The following SLC20A2 variants were observed in gnomAD, a reference collection of about 807,000 sequenced individuals.
The protein encoded by SLC20A2 is sodium-dependent phosphate transporter 2.
In SLC20A2, 30 loss-of-function variants were observed where a neutral mutation model predicts 61.0. The observed-to-expected ratio is 0.49, with a 90% confidence interval of 0.37 to 0.67. The LOEUF (loss-of-function observed/expected upper bound fraction) is 0.67, where lower values mean the gene tolerates loss of function less well. SLC20A2 is among the 30% of genes least tolerant of loss of function. The pLI, the probability that SLC20A2 is intolerant of heterozygous loss-of-function variation, is 0.00. For missense variants in SLC20A2, 626 were observed against 866.4 expected (o/e 0.72, Z 3.48); for synonymous variants, 351 against 353.3 (o/e 0.99, Z 0.07).
intron 5 of SLC20A2, among the ~76,000 whole-genome samples, chr8:42,445,126 T>C (rs532781161): frequency 9.2e-5 from 14 of 151,586 alleles, no homozygotes; most frequent in Non-Finnish European, 1.5e-4. Flanking sequence ...ACCCCATCTC[T>C]ACCAAAAATT....
At chr8:42,419,611 T>C in intron 10 of SLC20A2, 1 of 443,664 alleles carries the variant, frequency 2.3e-6, no homozygotes, top group Non-Finnish European at 3.0e-6. Flanking sequence ...CCATTGCAAT[T>C]TCTCACATGG....
rs994690381 is a variant in SLC20A2, at chr8:42,472,235, T to C, written c.156A>G (p.Ser52=). The change falls in exon 2 of 11, where the codon TCA becomes TCG. Residue 52 remains serine (S), a synonymous_variant. Coordinates refer to ENST00000520262, the MANE Select transcript of SLC20A2 (RefSeq NM_001257180.2). The surrounding 1 kb of genome is among the most constrained non-coding windows in gnomAD (Gnocchi z 4.1). Reference sequence around the variant, plus strand: ...ACACGGAGCCGGTGGTTTCAAATATTGAAGCTAAAATGCATGCCTGCCTCA... The same window carrying C: ...ACACGGAGCCGGTGGTTTCAAATATCGAAGCTAAAATGCATGCCTGCCTCA... The part of the protein sequence containing the change: ...VTLRQACILA[S]IFETTGSVLL... 6.2e-7 allele frequency: 1 copy of C among 1,614,038 alleles called. No individual in the cohort carries two copies. Among genetic ancestry groups the C allele is most frequent in the Admixed American group, 1.7e-5 (1 of 60,010 alleles).
intron 2 of SLC20A2, chr8:42,471,143 T>C (rs1807605536): frequency 2.2e-6 from 1 of 456,086 alleles, no homozygotes; most frequent in South Asian, 1.5e-5. Context: ...TCTCTAACCC[T>C]CTTCTCCCTA....
At chr8:42,455,290 A>AGAGAGAGAGAGAGAGAGAGC (rs1563478498) in intron 5 of SLC20A2, among the ~76,000 whole-genome samples, 4 of 139,626 alleles carry the variant, frequency 2.9e-5, no homozygotes, top group African/African-American at 1.0e-4. Context: ...AGAGAGAGAG[A>AGAGAGAGAGAGAGAGAGAGC]GAGCGTGCGC....
rs1390840517 is a variant in SLC20A2 at position 42,524,679 on chromosome 8, GGGA to G, written c.-265+17139_-265+17141del. ...CGAGCGCCTGTAATCCCAGCTACTT[GGGA>G]GGCTGAGGCAGGAGAATCGCTTGAA... is the stretch of plus-strand genomic sequence containing the variant. On this transcript the variant is annotated intron_variant, in intron 1 of 10. Transcript: ENST00000342228. Among the ~76,000 whole-genome samples the G allele has an allele frequency of 3.9e-5, 6 of 152,072 alleles. No homozygotes were observed. The East Asian group carries it at 1.2e-3, about 29-fold the overall frequency.
chr8:42,447,826 G>A (rs1460986785), intron 5 of SLC20A2, among the ~76,000 whole-genome samples: 1 of 152,168 alleles, frequency 6.6e-6, no homozygotes, highest in African/African-American at 2.4e-5. Flanking sequence ...GGTCACTGGG[G>A]GAGGACAGGC....
Position 42,439,671 on chromosome 8 carries a change from A to C in SLC20A2, c.731-18T>G. ...TAATTTGCCTAAAGAAAACAAAGTCATACTGAACATTCTGGAAGAGAGTTC... is the reference window on the plus strand; with the variant it reads ...TAATTTGCCTAAAGAAAACAAAGTCCTACTGAACATTCTGGAAGAGAGTTC... On this transcript the variant is annotated intron_variant, in intron 6 of 10. Transcript: ENST00000520262. 1 of 1,538,266 alleles carries C rather than the reference A, an allele frequency of 6.5e-7. No homozygotes were observed. The highest frequency in any genetic ancestry group is 1.4e-5 in the African/African-American group (1 of 73,472).
chr8:42,509,476 T>C (rs146792226), intron 1 of SLC20A2, among the ~76,000 whole-genome samples: 1 of 152,230 alleles, frequency 6.6e-6, no homozygotes, highest in African/African-American at 2.4e-5. Flanking sequence ...GTCATGCCTA[T>C]AATCCCAGCA....
At chr8:42,486,470 TC>T (rs1176705352) in intron 1 of SLC20A2, among the ~76,000 whole-genome samples, 1 of 152,196 alleles carries the variant, frequency 6.6e-6, no homozygotes, top group African/African-American at 2.4e-5. Flanking sequence ...GTACTGGGAT[TC>T]CAGGTGTGAG....
intron 10 of SLC20A2, among the ~76,000 whole-genome samples, chr8:42,422,895 G>A (rs1803141149): frequency 6.6e-6 from 1 of 151,920 alleles, no homozygotes; most frequent in South Asian, 2.1e-4. Flanking sequence ...TCCTTGATGT[G>A]ATCTGACATT....
chr8:42,451,573 T>TG (rs1341904449), intron 5 of SLC20A2, among the ~76,000 whole-genome samples: 5 of 84,024 alleles, frequency 6.0e-5, no homozygotes, highest in African/African-American at 2.5e-4. Context: ...GAGGAAGAGA[T>TG]GAAGAGGAAG....
chr8:42,522,438 TG>T (rs1209780835), intron 1 of SLC20A2, among the ~76,000 whole-genome samples: 1 of 121,412 alleles, frequency 8.2e-6, no homozygotes, highest in African/African-American at 2.5e-5. Flanking sequence ...CCTACCACTT[TG>T]GGGGGCCGAG....
upstream of SLC20A2, among the ~76,000 whole-genome samples, chr8:42,504,852 CA>C (rs771127709): frequency 0.024 from 397 of 16,308 alleles, no homozygotes; most frequent in Non-Finnish European, 0.034. Context: ...GACTCCGTCT[CA>C]AAAAAAAAAA....
rs879009551 is a variant in SLC20A2 at position 42,437,598 on chromosome 8, T to C, written c.935-21A>G. ...TCTTCCTGAAAAGGGTTAGAGAAGG[T>C]CTCATTTTCCAGTCTTTTTTTTTTT... On this transcript the variant is annotated intron_variant, in intron 7 of 10. Coordinates refer to ENST00000520262, the MANE Select transcript of SLC20A2 (RefSeq NM_001257180.2). This position sits in a 1 kb window ranked among gnomAD's most constrained non-coding sequence, Gnocchi z 6.4. 2 of 1,525,064 alleles carry C rather than the reference T, an allele frequency of 1.3e-6. No homozygotes were observed. Among genetic ancestry groups the C allele is most frequent in the Non-Finnish European group, 1.8e-6 (2 of 1,134,058 alleles). The allele number at this position is 1,525,064 out of a possible 1,614,324, so 94.5% of individuals were successfully genotyped here. A position where few individuals can be genotyped will look rare whatever the true frequency, so the allele number is the denominator to read the frequency against.
chr8:42,459,117 T>G (rs1806472727), intron 5 of SLC20A2, among the ~76,000 whole-genome samples: 1 of 148,686 alleles, frequency 6.7e-6, no homozygotes. Context: ...GCTCCTGTAA[T>G]CCCAGCTACT....
chr8:42,530,221 A>G (rs1357098091), intron 1 of SLC20A2, among the ~76,000 whole-genome samples: 1 of 152,208 alleles, frequency 6.6e-6, no homozygotes, highest in Non-Finnish European at 1.5e-5. Flanking sequence ...TAGGAAGATA[A>G]TAAACCATAA....
At chr8:42,439,982 G>A (rs12334410) in intron 6 of SLC20A2, among the ~76,000 whole-genome samples, 3,016 of 150,892 alleles carry the variant, frequency 0.02, 99 homozygotes, top group African/African-American at 0.07. Flanking sequence ...CTACTTGGGA[G>A]GCTGAGGCAG....
intron 1 of SLC20A2, among the ~76,000 whole-genome samples, chr8:42,491,546 C>G (rs1809515382): frequency 6.6e-6 from 1 of 151,820 alleles, no homozygotes; most frequent in Non-Finnish European, 1.5e-5. Context: ...TGGCGGGCAC[C>G]TGTAATCCCA....
intron 1 of SLC20A2, among the ~76,000 whole-genome samples, chr8:42,510,210 CA>C (rs554892654): frequency 2.0e-5 from 3 of 151,950 alleles, no homozygotes; most frequent in South Asian, 2.1e-4. Flanking sequence ...AAAACAAAAA[CA>C]AAAAAACCCA....
Sources: gnomAD v4.1 joint callset for allele counts (sites outside exome capture counted in the v4.1 genomes callset) on GRCh38, gnomAD v4.1.1 for gene constraint, Gnocchi (gnomAD v3.1) non-coding constraint, MANE v1.5 for transcripts, NCBI Gene and HGNC (gene_info 2026-07-23, HGNC 2026-07-21) for gene names.